HIVEP1: variants seen among roughly 807,000 people sequenced by gnomAD.
The protein encoded by HIVEP1 is HIVEP zinc finger 1.
HIVEP1 carries 36 observed loss-of-function variants against 180.0 expected under a neutral mutation model. The ratio of observed to expected loss-of-function variants is 0.20; its 90% CI spans 0.15 to 0.26. The LOEUF (loss-of-function observed/expected upper bound fraction) is 0.26. Among genes scored for constraint, HIVEP1 ranks in the 10% least tolerant of loss-of-function variants. HIVEP1 has a pLI of 1.00. For synonymous variants in HIVEP1, 1,239 were observed against 1,239.0 expected, an observed-to-expected ratio of 1.00 and a Z score of 0.00; for missense variants, 3,143 against 3,268.7, an observed-to-expected ratio of 0.96 and a Z score of 0.94.
chr6:12,127,799 C>T (rs1758176839), intron 4 of HIVEP1, among the ~76,000 whole-genome samples: 1 of 152,126 alleles, frequency 6.6e-6, no homozygotes, highest in Non-Finnish European at 1.5e-5. Flanking sequence ...ACACAAAACA[C>T]AGAAGAAGAT....
At chr6:12,115,771 A>G (rs1399297089) in intron 3 of HIVEP1, among the ~76,000 whole-genome samples, 1 of 152,082 alleles carries the variant, frequency 6.6e-6, no homozygotes, top group East Asian at 1.9e-4. Flanking sequence ...TGGTAAAAAC[A>G]AACATGCAAA....
At chr6:12,039,917 G>A (rs1180443828) in intron 2 of HIVEP1, among the ~76,000 whole-genome samples, 1 of 152,198 alleles carries the variant, frequency 6.6e-6, no homozygotes, top group East Asian at 1.9e-4. Flanking sequence ...TCCCTGGCCG[G>A]AGTTCAGGCA....
At chr6:12,139,600 G>A (rs976822933) in intron 7 of HIVEP1, among the ~76,000 whole-genome samples, 13 of 152,230 alleles carry the variant, frequency 8.5e-5, no homozygotes, top group East Asian at 3.9e-4. Flanking sequence ...CGCTGTGACA[G>A]ACAGTACCTG....
chr6:12,023,163 G>A (rs1420979415), intron 2 of HIVEP1, among the ~76,000 whole-genome samples: 1 of 152,170 alleles, frequency 6.6e-6, no homozygotes, highest in East Asian at 1.9e-4. Context: ...CACAAGAGAA[G>A]CCCAGCCGGG....
chr6:12,015,593 T>G lies in HIVEP1; in HGVS notation c.-36T>G, dbSNP rs1767688256. The G allele has an allele frequency of 5.6e-6, 9 of 1,600,228 alleles. No individual in the cohort carries two copies. Among genetic ancestry groups the G allele is most frequent in the Non-Finnish European group, 7.7e-6 (9 of 1,170,434 alleles). ...TTTGGTGGCTTGCTTTATCTGCAGTTTTTAAGAAGAAAAAGAAGGCCCTGA... is the reference window on the plus strand; with the variant it reads ...TTTGGTGGCTTGCTTTATCTGCAGTGTTTAAGAAGAAAAAGAAGGCCCTGA... On this transcript the variant is annotated 5_prime_UTR_variant, in exon 2 of 9. Coordinates refer to ENST00000379388, the MANE Select transcript of HIVEP1 (RefSeq NM_002114.4).
chr6:12,118,429 A>G (rs1775355845), intron 3 of HIVEP1, among the ~76,000 whole-genome samples: 1 of 152,236 alleles, frequency 6.6e-6, no homozygotes, highest in African/African-American at 2.4e-5. Flanking sequence ...CATATGCCCA[A>G]CAATCCAACA....
At chr6:12,057,308 C>T (rs1369863632) in intron 2 of HIVEP1, among the ~76,000 whole-genome samples, 1 of 152,122 alleles carries the variant, frequency 6.6e-6, no homozygotes, top group Admixed American at 6.5e-5. Context: ...GCTAAATCAA[C>T]AGATAGTAAA....
intron 2 of HIVEP1, among the ~76,000 whole-genome samples, chr6:12,018,236 A>G (rs1486827821): frequency 6.6e-6 from 1 of 152,188 alleles, no homozygotes; most frequent in Non-Finnish European, 1.5e-5. Flanking sequence ...TACAAGCGCC[A>G]CGCGCGGCCC....
chr6:12,138,939 C>T (rs1021778015), intron 7 of HIVEP1, among the ~76,000 whole-genome samples: 1 of 151,636 alleles, frequency 6.6e-6, no homozygotes, highest in African/African-American at 2.4e-5. Context: ...CCTTTTGGCT[C>T]TTCACTTCAA....
rs1056112455 is a variant in HIVEP1 at position 12,042,266 on chromosome 6, A to T, written c.40+26598A>T. Among the ~76,000 whole-genome samples the T allele has an allele frequency of 7.4e-5, 11 of 149,066 alleles. 1 individual carries two copies. The highest frequency in any genetic ancestry group is 4.6e-4 in the Admixed American group (7 of 15,114). On this transcript the variant is annotated intron_variant, in intron 2 of 8. Transcript: ENST00000379388. ...GGCTAATTTTTTTTGTATTTTCAGTAGAGACGGGGTTTCACCTTGTTAGCC... is the reference window on the plus strand; with the variant it reads ...GGCTAATTTTTTTTGTATTTTCAGTTGAGACGGGGTTTCACCTTGTTAGCC...
At chr6:12,205,470 CAAAA>C in the HIVEP1 span, among the ~76,000 whole-genome samples, 1 of 138,140 alleles carries the variant, frequency 7.2e-6, no homozygotes, top group Non-Finnish European at 1.6e-5. Context: ...GACTCCATCT[CAAAA>C]AAAAAAAAAA....
intron 2 of HIVEP1, among the ~76,000 whole-genome samples, chr6:12,055,566 G>A (rs917718724): frequency 3.9e-5 from 6 of 152,106 alleles, no homozygotes; most frequent in East Asian, 1.9e-4. Context: ...GGCACAAACC[G>A]GAGGATACAA....
At chr6:12,186,717 C>T in the HIVEP1 span, among the ~76,000 whole-genome samples, 84 of 151,914 alleles carry the variant, frequency 5.5e-4, no homozygotes, top group Non-Finnish European at 8.7e-4. Flanking sequence ...ATCCCATATG[C>T]GATGAAAGTT....
At chr6:12,080,666 T>A (rs1373686620) in intron 2 of HIVEP1, among the ~76,000 whole-genome samples, 1 of 152,202 alleles carries the variant, frequency 6.6e-6, no homozygotes, top group East Asian at 1.9e-4. Context: ...CTTTTCTCTT[T>A]GAACTTTTAA....
At chr6:12,040,669 G>T (rs1421840277) in intron 2 of HIVEP1, among the ~76,000 whole-genome samples, 1 of 152,192 alleles carries the variant, frequency 6.6e-6, no homozygotes. Context: ...GTTGGTCAGT[G>T]TATTAGGCCG....
At chr6:12,044,390 T>A (rs934604242) in intron 2 of HIVEP1, among the ~76,000 whole-genome samples, 3 of 152,210 alleles carry the variant, frequency 2.0e-5, no homozygotes, top group Non-Finnish European at 4.4e-5. Flanking sequence ...CAGCAGTTTT[T>A]TTTGTTGGCA....
upstream of HIVEP1, chr6:12,012,228 G>T (rs1767380151): frequency 1.4e-5 from 2 of 139,442 alleles, no homozygotes; most frequent in Non-Finnish European, 3.2e-5. Flanking sequence ...GGCGGCTGCG[G>T]CCCCCGCCCG....
At chr6:12,194,620 G>T in the HIVEP1 span, among the ~76,000 whole-genome samples, 1 of 152,126 alleles carries the variant, frequency 6.6e-6, no homozygotes, top group Non-Finnish European at 1.5e-5. Context: ...TGGCCAACAT[G>T]CTGAAACCCT....
At chr6:12,010,851 T>C (rs1252509491), upstream of HIVEP1, among the ~76,000 whole-genome samples, 2 of 152,174 alleles carry the variant, frequency 1.3e-5, no homozygotes, top group African/African-American at 4.8e-5. Flanking sequence ...GGTCACACCT[T>C]GGTTCATGCT....
Sources: gnomAD v4.1 joint callset for allele counts (sites outside exome capture counted in the v4.1 genomes callset) on GRCh38, gnomAD v4.1.1 for gene constraint, MANE v1.5 for transcripts, NCBI Gene and HGNC (gene_info 2026-07-23, HGNC 2026-07-21) for gene names.